MECOM: variants seen among roughly 807,000 people sequenced by gnomAD.
MECOM encodes MDS1 and EVI1 complex locus.
In MECOM, 13 loss-of-function variants were observed where a neutral mutation model predicts 116.3. The observed-to-expected ratio is 0.11, with a 90% CI of 0.07 to 0.18. The LOEUF is 0.18. Among genes scored for constraint, MECOM ranks in the 10% least tolerant of loss-of-function variants. The pLI is 1.00. For missense variants in MECOM, 1,299 were observed against 1,509.0 expected, an observed-to-expected ratio of 0.86 and a Z score of 2.31; for synonymous variants, 528 against 535.2, an observed-to-expected ratio of 0.99 and a Z score of 0.19.
intron 2 of MECOM, among the ~76,000 whole-genome samples, chr3:169,358,239 T>C (rs1452884278): frequency 6.6e-6 from 1 of 151,746 alleles, no homozygotes; most frequent in African/African-American, 2.4e-5. Context: ...GTGCCTAAAA[T>C]GTCAGCTGTT....
chr3:169,322,997 TAAAAAAAAAAAAA>T lies in MECOM; in HGVS notation c.375+58177_375+58189del, dbSNP rs748984561. On this transcript the variant is annotated intron_variant, in intron 2 of 16. Transcript: ENST00000651503. ...CCTGCATGACAGAGCAAGACTCCGG[TAAAAAAAAAAAAA>T]AAAAAAAAAAAAAAAAGCAGCAGCA... Among the ~76,000 whole-genome samples the T allele has an allele frequency of 8.7e-4, 49 of 56,050 alleles. 1 individual carries two copies. Among genetic ancestry groups the T allele is most frequent in the African/African-American group, 3.4e-3 (48 of 14,260 alleles). 36.8% of individuals were successfully genotyped at this position (56,050 alleles called of 152,430 possible).
At chr3:169,174,005 T>C (rs1469765372) in intron 2 of MECOM, among the ~76,000 whole-genome samples, 1 of 152,192 alleles carries the variant, frequency 6.6e-6, no homozygotes, top group Non-Finnish European at 1.5e-5. Context: ...CTTATGAGCC[T>C]TTACTTTGGC....
At chr3:169,299,411 G>T (rs1454087126) in intron 2 of MECOM, among the ~76,000 whole-genome samples, 1 of 152,146 alleles carries the variant, frequency 6.6e-6, no homozygotes, top group South Asian at 2.1e-4. Context: ...ATTCTACCAG[G>T]ATCAAAATGT....
chr3:169,419,981 T>G (rs953045511), intron 1 of MECOM, among the ~76,000 whole-genome samples: 11 of 152,086 alleles, frequency 7.2e-5, no homozygotes, highest in Non-Finnish European at 1.0e-4. Context: ...AAGAAGACAT[T>G]TATGCAGCCA....
intron 1 of MECOM, among the ~76,000 whole-genome samples, chr3:169,407,085 G>C (rs1736830830): frequency 6.6e-6 from 1 of 151,962 alleles, no homozygotes; most frequent in African/African-American, 2.4e-5. Context: ...CTGACCTCAT[G>C]CTCCACCCAC....
chr3:169,595,225 G>A lies in MECOM; in HGVS notation c.37+68111C>T, dbSNP rs59759865. On this transcript the variant is annotated intron_variant, in intron 1 of 16. Transcript: ENST00000651503. ...CTACTAATGGATACAGGGATTTAAT[G>A]TTACAAATTACCTTTCTAAACCCAA... 2.1e-3 allele frequency among the ~76,000 whole-genome samples: 317 copies of A among 152,242 alleles called. 2 individuals carry two copies. Among genetic ancestry groups the A allele is most frequent in the African/African-American group, 7.1e-3 (295 of 41,538 alleles).
chr3:169,524,037 T>G (rs1285826785), intron 1 of MECOM, among the ~76,000 whole-genome samples: 2 of 100,588 alleles, frequency 2.0e-5, no homozygotes, highest in East Asian at 5.1e-4. Context: ...TGTATATGAA[T>G]AAATATATAT....
intron 1 of MECOM, among the ~76,000 whole-genome samples, chr3:169,442,285 T>C (rs917346855): frequency 3.3e-5 from 5 of 152,174 alleles, no homozygotes; most frequent in Non-Finnish European, 7.3e-5. Flanking sequence ...GGTCTCGAAC[T>C]CCTGACCTCA....
chr3:169,185,653 G>A (rs889732847), intron 2 of MECOM, among the ~76,000 whole-genome samples: 11 of 151,938 alleles, frequency 7.2e-5, no homozygotes, highest in African/African-American at 1.9e-4. Context: ...AACCTCTTTC[G>A]CCTCTAAACT....
chr3:169,141,261 A>G (rs546298835), intron 3 of MECOM, among the ~76,000 whole-genome samples: 9 of 152,160 alleles, frequency 5.9e-5, no homozygotes, highest in Non-Finnish European at 1.0e-4. Flanking sequence ...AATTCACTTG[A>G]TAAACTTTAT....
At chr3:169,442,902 C>T (rs1049851109) in intron 1 of MECOM, among the ~76,000 whole-genome samples, 2 of 152,004 alleles carry the variant, frequency 1.3e-5, no homozygotes, top group Admixed American at 6.6e-5. Flanking sequence ...CTTTGTATTA[C>T]AGTCATTTGA....
At chr3:169,331,380 T>G (rs1287317169) in intron 2 of MECOM, among the ~76,000 whole-genome samples, 14 of 152,148 alleles carry the variant, frequency 9.2e-5, no homozygotes, top group Admixed American at 9.2e-4. Context: ...TACAGTGGTT[T>G]TGAATATGAA....
chr3:169,209,665 C>T (rs13091300), intron 2 of MECOM, among the ~76,000 whole-genome samples: 47,531 of 151,986 alleles, frequency 0.31, 8,809 homozygotes, highest in Middle Eastern at 0.54. Flanking sequence ...TATTGTCTCC[C>T]GCCAGTCAGA....
At chr3:169,410,422 A>C (rs910785489) in intron 1 of MECOM, among the ~76,000 whole-genome samples, 1 of 152,212 alleles carries the variant, frequency 6.6e-6, no homozygotes, top group Non-Finnish European at 1.5e-5. Context: ...GGCCTTTGGC[A>C]GCTTACAAGA....
At chr3:169,514,087 G>A (rs183177678) in intron 1 of MECOM, among the ~76,000 whole-genome samples, 1 of 152,230 alleles carries the variant, frequency 6.6e-6, no homozygotes, top group African/African-American at 2.4e-5. Context: ...AATTTTAGGG[G>A]GAAAGGAGTT....
At chr3:169,447,105 T>C (rs907879770) in intron 1 of MECOM, among the ~76,000 whole-genome samples, 1 of 152,138 alleles carries the variant, frequency 6.6e-6, no homozygotes, top group Non-Finnish European at 1.5e-5. Context: ...GATTCTACAT[T>C]AGTTCAAGTC....
chr3:169,559,613 G>T (rs932214288), intron 1 of MECOM, among the ~76,000 whole-genome samples: 9 of 152,092 alleles, frequency 5.9e-5, no homozygotes, highest in African/African-American at 1.7e-4. Flanking sequence ...CTTTTATGCA[G>T]CATTTTATAC....
At chr3:169,343,759 C>T (rs1158413477) in intron 2 of MECOM, among the ~76,000 whole-genome samples, 1 of 152,054 alleles carries the variant, frequency 6.6e-6, no homozygotes, top group East Asian at 1.9e-4. Flanking sequence ...CTCTACAGAA[C>T]ATATTAATTT....
intron 1 of MECOM, among the ~76,000 whole-genome samples, chr3:169,610,829 C>T (rs542151324): frequency 6.6e-6 from 1 of 152,272 alleles, no homozygotes; most frequent in African/African-American, 2.4e-5. Context: ...GTCTTATTCA[C>T]AATATCCCCA....
Sources: gnomAD v4.1 joint callset for allele counts (sites outside exome capture counted in the v4.1 genomes callset) on GRCh38, gnomAD v4.1.1 for gene constraint, MANE v1.5 for transcripts, NCBI Gene and HGNC (gene_info 2026-07-23, HGNC 2026-07-21) for gene names.